Variants in WWC2 observed in about 807,000 individuals in gnomAD.
WWC2 encodes protein WWC2.
In WWC2, 101 loss-of-function variants were observed where a neutral mutation model predicts 138.5. That is an observed-to-expected ratio of 0.73 (90% CI 0.62 to 0.86). The LOEUF is 0.86. Ranked by LOEUF, WWC2 falls within the 40% of genes least tolerant of loss-of-function variation. The pLI is 0.00. For synonymous variants in WWC2, 558 were observed against 538.4 expected (o/e 1.04, Z -0.50); for missense variants, 1,420 against 1,419.4 (o/e 1.00, Z -0.01).
At chr4:183,265,614 T>A in intron 12 of WWC2, 74 bp from the exon 13 acceptor site, 1 of 1,441,896 alleles carries the variant, frequency 6.9e-7, no homozygotes, top group Non-Finnish European at 9.6e-7. Flanking sequence ...TCAGAATCAC[T>A]AAGTGGCAAA....
Position 183,289,617 on chromosome 4 carries a change from G to C in WWC2, c.3366G>C (p.Leu1122=). The change falls in exon 21 of 23, where the codon CTG becomes CTC. Residue 1122 remains leucine, a synonymous_variant. Coordinates refer to ENST00000403733, the MANE Select transcript of WWC2 (RefSeq NM_024949.6). ...AGGATGAGAGGTTCCAGAGGCTTCT[G>C]AAGCAAGCTGAGAAGCAGGTACGCA... ...VLEDERFQRL[L]KQAEKQAEQS... is the part of the protein sequence containing the mutation. 6.2e-7 allele frequency: 1 copy of C among 1,613,850 alleles called. No individual in the cohort carries two copies. The highest frequency in any genetic ancestry group is 8.5e-7 in the Non-Finnish European group (1 of 1,179,860).
chr4:183,223,692 G>A (rs1735990023), intron 4 of WWC2, among the ~76,000 whole-genome samples: 1 of 152,052 alleles, frequency 6.6e-6, no homozygotes, highest in South Asian at 2.1e-4. Context: ...ATATATTTCT[G>A]AAGTCTAATT....
chr4:183,108,866 C>T (rs565280814), intron 1 of WWC2, among the ~76,000 whole-genome samples: 2 of 152,132 alleles, frequency 1.3e-5, no homozygotes, highest in Non-Finnish European at 2.9e-5. Context: ...GCCTCGGCCT[C>T]CCAAAGTGCT....
chr4:183,305,175 T>C (rs1410806472), intron 21 of WWC2, among the ~76,000 whole-genome samples: 1 of 152,068 alleles, frequency 6.6e-6, no homozygotes, highest in Non-Finnish European at 1.5e-5. Flanking sequence ...ATCTGAACTC[T>C]TGAGGATATG....
chr4:183,268,949 A>G lies in WWC2; in HGVS notation c.2208-22A>G, dbSNP rs1737600226. Reference sequence around the variant, plus strand: ...TATAATTAAAGTACCTATGAAATCCATTTTATTCTTGTTCTTTGCAGATAT... The same window carrying G: ...TATAATTAAAGTACCTATGAAATCCGTTTTATTCTTGTTCTTTGCAGATAT... On this transcript the variant is annotated intron_variant, in intron 14 of 22. Transcript: ENST00000403733. 5 of 1,595,784 alleles carry G rather than the reference A, an allele frequency of 3.1e-6. No homozygotes were observed. The South Asian group carries it at 5.7e-5, about 18-fold the overall frequency.
chr4:183,304,502 A>G (rs544758856), intron 21 of WWC2, among the ~76,000 whole-genome samples: 30 of 152,276 alleles, frequency 2.0e-4, no homozygotes, highest in African/African-American at 7.0e-4. Context: ...GAAACACACA[A>G]AAGCATTCTG....
chr4:183,256,276 A>G (rs1219513435), intron 9 of WWC2, among the ~76,000 whole-genome samples: 1 of 152,154 alleles, frequency 6.6e-6, no homozygotes, highest in African/African-American at 2.4e-5. Context: ...AAAGCTTTCT[A>G]ACTCCTATCC....
At chr4:183,206,912 A>G (rs1735463126) in intron 2 of WWC2, among the ~76,000 whole-genome samples, 2 of 152,164 alleles carry the variant, frequency 1.3e-5, no homozygotes, top group African/African-American at 4.8e-5. Flanking sequence ...TGATTCTTTC[A>G]TTTTTGTTTT....
chr4:183,158,744 A>G (rs752059797), intron 1 of WWC2, among the ~76,000 whole-genome samples: 5 of 152,048 alleles, frequency 3.3e-5, no homozygotes, highest in Admixed American at 6.6e-5. Context: ...GCACCATTTT[A>G]CCCCTGTTAA....
intron 4 of WWC2, among the ~76,000 whole-genome samples, chr4:183,224,986 T>G (rs1282677346): frequency 6.6e-6 from 1 of 152,244 alleles, no homozygotes; most frequent in African/African-American, 2.4e-5. Flanking sequence ...TAATGGAACC[T>G]CTTTATGTTG....
intron 1 of WWC2, among the ~76,000 whole-genome samples, chr4:183,188,105 C>A (rs1396088568): frequency 1.3e-5 from 2 of 152,180 alleles, no homozygotes; most frequent in Non-Finnish European, 2.9e-5. Flanking sequence ...AGTTGCCAGA[C>A]ACCCAAAAGG....
chr4:183,262,241 A>G (rs1169183497), intron 11 of WWC2, among the ~76,000 whole-genome samples: 2 of 152,234 alleles, frequency 1.3e-5, no homozygotes, highest in Non-Finnish European at 2.9e-5. Flanking sequence ...TAAAGAGCAC[A>G]AGATGTTTCC....
intron 4 of WWC2, among the ~76,000 whole-genome samples, chr4:183,218,553 G>A (rs1735822976): frequency 6.6e-6 from 1 of 152,188 alleles, no homozygotes; most frequent in African/African-American, 2.4e-5. Flanking sequence ...TAAAGAATTG[G>A]CTGACACAAT....
chr4:183,305,621 TA>T, intron 21 of WWC2, among the ~76,000 whole-genome samples: 1 of 152,268 alleles, frequency 6.6e-6, no homozygotes, highest in East Asian at 1.9e-4. Flanking sequence ...TTTAAATTGT[TA>T]AGAGGAAAAA....
chr4:183,285,275 T>C (rs1458864145), intron 19 of WWC2, among the ~76,000 whole-genome samples: 1 of 152,236 alleles, frequency 6.6e-6, no homozygotes, highest in Non-Finnish European at 1.5e-5. Context: ...GAGTGTGGGC[T>C]ATCTGGGCCG....
At chr4:183,163,910 T>C (rs1376460774) in intron 1 of WWC2, among the ~76,000 whole-genome samples, 1 of 152,134 alleles carries the variant, frequency 6.6e-6, no homozygotes, top group African/African-American at 2.4e-5. Context: ...GTGGCTAGCT[T>C]TAATGTTCCA....
At chr4:183,158,860 A>C (rs1440622678) in intron 1 of WWC2, among the ~76,000 whole-genome samples, 1 of 152,120 alleles carries the variant, frequency 6.6e-6, no homozygotes, top group Non-Finnish European at 1.5e-5. Flanking sequence ...GTAGCGTGTA[A>C]TTTATTTTGA....
intron 21 of WWC2, among the ~76,000 whole-genome samples, chr4:183,307,895 G>T (rs971011631): frequency 6.6e-6 from 1 of 152,152 alleles, no homozygotes; most frequent in East Asian, 1.9e-4. Context: ...ATCCCGCTTG[G>T]GAAGGACGTC....
At chr4:183,164,414 A>G (rs1407160784) in intron 1 of WWC2, among the ~76,000 whole-genome samples, 1 of 137,276 alleles carries the variant, frequency 7.3e-6, no homozygotes, top group African/African-American at 2.7e-5. Flanking sequence ...TATATATAAT[A>G]TATATATTTT....
Sources: gnomAD v4.1 joint callset for allele counts (sites outside exome capture counted in the v4.1 genomes callset) on GRCh38, gnomAD v4.1.1 for gene constraint, MANE v1.5 for transcripts, NCBI Gene and HGNC (gene_info 2026-07-23, HGNC 2026-07-21) for gene names.